Variants in KLHL1 observed in about 807,000 individuals in gnomAD.
The protein encoded by KLHL1 is kelch-like protein 1.
In KLHL1, 47 loss-of-function variants were observed where a neutral mutation model predicts 77.7. The observed-to-expected ratio is 0.60, with a 90% CI of 0.48 to 0.77. KLHL1 has a LOEUF of 0.77. Among genes scored for constraint, KLHL1 ranks in the 30% least tolerant of loss-of-function variants. The probability of loss-of-function intolerance (pLI) is 0.00; values close to 1 mark genes in which losing one functional copy is unlikely to be tolerated. For missense variants in KLHL1, 925 were observed against 910.8 expected (o/e 1.02, Z -0.20); for synonymous variants, 360 against 325.2 (o/e 1.11, Z -1.15).
intron 7 of KLHL1, among the ~76,000 whole-genome samples, chr13:69,754,919 T>C (rs1176031027): frequency 3.3e-5 from 5 of 152,166 alleles, no homozygotes; most frequent in African/African-American, 1.2e-4. Flanking sequence ...AATGGGAAGT[T>C]TTCTGTAAGG....
intron 1 of KLHL1, among the ~76,000 whole-genome samples, chr13:70,029,207 C>G (rs1035589306): frequency 3.9e-5 from 6 of 151,988 alleles, no homozygotes; most frequent in African/African-American, 1.4e-4. Context: ...GAACTTGCGG[C>G]CTGTGATAGG....
rs199562330 is a variant in KLHL1, at chr13:69,845,891, G to GA, written c.1228-6730dup. On this transcript the variant is annotated intron_variant, in intron 5 of 10. Coordinates refer to ENST00000377844, the MANE Select transcript of KLHL1 (RefSeq NM_020866.3). ...TATGGGCTCAGAGATGTCGATATTT[G>GA]AAAAAAAATAGATCTTAAAAAGTCA... 6.8e-3 allele frequency among the ~76,000 whole-genome samples: 1,021 copies of GA among 150,232 alleles called. 3 individuals carry two copies. Among genetic ancestry groups the GA allele is most frequent in the Non-Finnish European group, 0.011 (738 of 67,230 alleles).
chr13:70,028,641 T>C (rs1482603793), intron 1 of KLHL1, among the ~76,000 whole-genome samples: 1 of 152,106 alleles, frequency 6.6e-6, no homozygotes, highest in East Asian at 1.9e-4. Flanking sequence ...GAGATATTAA[T>C]GAGGGAACAA....
chr13:69,719,183 C>CGTGTGTGTGTGTGTGTGT (rs761517378), intron 9 of KLHL1, among the ~76,000 whole-genome samples, 186 bp downstream of exon 9: 3 of 103,802 alleles, frequency 2.9e-5, no homozygotes, highest in Non-Finnish European at 4.3e-5. Context: ...AAAGAAAGTA[C>CGTGTGTGTGTGTGTGTGT]GTGTGTGTGT....
chr13:69,787,884 C>T (rs1376748245), intron 7 of KLHL1, among the ~76,000 whole-genome samples: 1 of 152,194 alleles, frequency 6.6e-6, no homozygotes, highest in Non-Finnish European at 1.5e-5. Flanking sequence ...GACATTTATG[C>T]AGCCAAAAAA....
intron 4 of KLHL1, among the ~76,000 whole-genome samples, chr13:69,921,676 C>T (rs1882642526): frequency 6.6e-6 from 1 of 152,088 alleles, no homozygotes. Context: ...CTCCAATAAT[C>T]ATTCATTTGT....
At chr13:69,821,200 G>C (rs1168758698) in intron 6 of KLHL1, among the ~76,000 whole-genome samples, 1 of 152,106 alleles carries the variant, frequency 6.6e-6, no homozygotes, top group Non-Finnish European at 1.5e-5. Flanking sequence ...TATGGTCATA[G>C]TTTGACAAAC....
At position 69,917,698 on chromosome 13, in the gene KLHL1, T is replaced by C. The variant is rs114107518; in HGVS notation, c.1014+22342A>G. On this transcript the variant is annotated intron_variant, in intron 4 of 10. Transcript: ENST00000377844. The stretch of plus-strand genomic sequence containing the variant: ...TATAAACAAACATAAACCACTTTGA[T>C]AATAATTAAATGCATTCTTCCATAT... Among the ~76,000 whole-genome samples, 623 of 152,250 alleles carry C rather than the reference T, an allele frequency of 4.1e-3. 6 individuals are homozygous for C. Among genetic ancestry groups the C allele is most frequent in the African/African-American group, 0.014 (603 of 41,588 alleles).
intron 1 of KLHL1, among the ~76,000 whole-genome samples, chr13:69,983,818 T>C (rs1477578975): frequency 6.6e-6 from 1 of 151,782 alleles, no homozygotes; most frequent in Non-Finnish European, 1.5e-5. Context: ...TTAACCAAAA[T>C]AGCATGGCAC....
chr13:69,702,053 C>T (rs1875417899), intron 10 of KLHL1, among the ~76,000 whole-genome samples: 1 of 151,568 alleles, frequency 6.6e-6, no homozygotes, highest in African/African-American at 2.4e-5. Context: ...TCCATCAAAG[C>T]TCTATTCTGG....
At chr13:69,704,595 A>C (rs1046246080) in intron 10 of KLHL1, among the ~76,000 whole-genome samples, 1 of 151,736 alleles carries the variant, frequency 6.6e-6, no homozygotes, top group East Asian at 1.9e-4. Context: ...TGCCCAGTGC[A>C]CTTAAGTTCT....
intron 3 of KLHL1, among the ~76,000 whole-genome samples, chr13:69,955,119 G>A (rs985560797): frequency 6.6e-6 from 1 of 151,054 alleles, no homozygotes; most frequent in Non-Finnish European, 1.5e-5. Flanking sequence ...TAATGTGCTT[G>A]CATAATTCAT....
At chr13:69,763,126 A>T (rs1230295851) in intron 7 of KLHL1, among the ~76,000 whole-genome samples, 2 of 152,188 alleles carry the variant, frequency 1.3e-5, no homozygotes, top group Non-Finnish European at 2.9e-5. Context: ...TCTATAGCAG[A>T]TTCTACTGCA....
At chr13:69,713,193 A>T (rs1470452485) in intron 9 of KLHL1, among the ~76,000 whole-genome samples, 1 of 152,116 alleles carries the variant, frequency 6.6e-6, no homozygotes, top group Non-Finnish European at 1.5e-5. Context: ...AACAGTTTCT[A>T]GTTTGATTCA....
intron 7 of KLHL1, among the ~76,000 whole-genome samples, chr13:69,785,419 G>A (rs567848912): frequency 3.6e-4 from 55 of 152,194 alleles, no homozygotes; most frequent in Non-Finnish European, 6.5e-4. Context: ...GGTACATAAC[G>A]AAATGAAGGC....
chr13:69,998,844 A>G (rs1885219117), intron 1 of KLHL1, among the ~76,000 whole-genome samples: 1 of 151,920 alleles, frequency 6.6e-6, no homozygotes, highest in Non-Finnish European at 1.5e-5. Flanking sequence ...ACCCAAGCTC[A>G]CCCATTTTGT....
intron 6 of KLHL1, among the ~76,000 whole-genome samples, chr13:69,818,322 G>A (rs1878204997): frequency 6.8e-6 from 1 of 147,854 alleles, no homozygotes; most frequent in African/African-American, 2.5e-5. Flanking sequence ...CCAGGTTCAA[G>A]CAATTCTCCT....
chr13:70,061,748 T>A (rs982770302), intron 1 of KLHL1, among the ~76,000 whole-genome samples: 1 of 152,210 alleles, frequency 6.6e-6, no homozygotes, highest in Admixed American at 6.5e-5. Context: ...TTCCTTGCTA[T>A]CACAGTTTCT....
intron 7 of KLHL1, among the ~76,000 whole-genome samples, chr13:69,780,419 T>C (rs1046428529): frequency 2.6e-5 from 4 of 151,888 alleles, no homozygotes; most frequent in Non-Finnish European, 5.9e-5. Context: ...ATTTCTTAAG[T>C]AAAAGAGACA....
Sources: allele counts gnomAD v4.1 joint callset (sites outside exome capture counted in the v4.1 genomes callset), GRCh38; gene constraint gnomAD v4.1.1; transcripts MANE v1.5; gene names NCBI Gene and HGNC (gene_info 2026-07-23, HGNC 2026-07-21).